FAM240B: variants seen among roughly 807,000 people sequenced by gnomAD.
FAM240B encodes the protein protein FAM240B.
At chr9:38,703,804 A>G in intron 2 of FAM240B, 53 bp downstream of exon 2, 1 of 399,218 alleles carries the variant, frequency 2.5e-6, no homozygotes, top group Non-Finnish European at 4.4e-6. Context: ...CATATCTGGC[A>G]TATCTCTGGA....
chr9:38,706,344 TCCCGGACAC>T (rs1821190187), intron 1 of FAM240B, among the ~76,000 whole-genome samples: 3 of 152,060 alleles, frequency 2.0e-5, no homozygotes, highest in Non-Finnish European at 4.4e-5. Context: ...TTCCCACCGC[TCCCGGACAC>T]TCCCTGGAAA....
At chr9:38,701,492 T>C (rs181607885) in intron 2 of FAM240B, among the ~76,000 whole-genome samples, 68 of 152,322 alleles carry the variant, frequency 4.5e-4, no homozygotes, top group Admixed American at 2.7e-3. Context: ...TAATTCATTG[T>C]TTGCCAAATG....
At chr9:38,717,012 G>C (rs138545676) in intron 1 of FAM240B, among the ~76,000 whole-genome samples, 17 of 152,238 alleles carry the variant, frequency 1.1e-4, no homozygotes, top group African/African-American at 3.8e-4. Context: ...AGGCACCCCA[G>C]AGAGGCAGCC....
intron 2 of FAM240B, among the ~76,000 whole-genome samples, chr9:38,703,489 C>T (rs1821153021): frequency 6.6e-6 from 1 of 152,234 alleles, no homozygotes; most frequent in African/African-American, 2.4e-5. Flanking sequence ...GAATTATACA[C>T]TCTGCACTGC....
chr9:38,705,859 C>G (rs755974008), intron 1 of FAM240B, among the ~76,000 whole-genome samples: 1 of 152,012 alleles, frequency 6.6e-6, no homozygotes, highest in Admixed American at 6.6e-5. Context: ...CCTCCTGGAC[C>G]CATCTTCCAA....
At chr9:38,712,166 GA>G (rs1821263062) in intron 1 of FAM240B, among the ~76,000 whole-genome samples, 1 of 152,098 alleles carries the variant, frequency 6.6e-6, no homozygotes, top group Admixed American at 6.5e-5. Context: ...TTACATAGGA[GA>G]AAAAAGCTTA....
intron 2 of FAM240B, among the ~76,000 whole-genome samples, chr9:38,697,091 G>C (rs1444306638): frequency 6.6e-6 from 1 of 152,114 alleles, no homozygotes; most frequent in African/African-American, 2.4e-5. Context: ...GCTGCTGCCT[G>C]GGTGTTTCAT....
chr9:38,699,450 G>A (rs533604894), intron 2 of FAM240B, among the ~76,000 whole-genome samples: 2 of 152,304 alleles, frequency 1.3e-5, no homozygotes, highest in East Asian at 3.9e-4. Flanking sequence ...AGACTTCAGC[G>A]CTGGTCTGAC....
chr9:38,717,277 G>C (rs1467859165), intron 1 of FAM240B, among the ~76,000 whole-genome samples: 1 of 151,562 alleles, frequency 6.6e-6, no homozygotes, highest in Non-Finnish European at 1.5e-5. Flanking sequence ...GCATAATTTG[G>C]TCAAAGAGTT....
chr9:38,698,057 C>G (rs151134836), intron 2 of FAM240B, among the ~76,000 whole-genome samples: 1 of 152,330 alleles, frequency 6.6e-6, no homozygotes, highest in Non-Finnish European at 1.5e-5. Context: ...TACAGTGGCA[C>G]AGCTGAAGAG....
chr9:38,710,238 G>A (rs1328106985), intron 1 of FAM240B, among the ~76,000 whole-genome samples: 1 of 152,162 alleles, frequency 6.6e-6, no homozygotes, highest in Admixed American at 6.5e-5. Flanking sequence ...AAAGTGCTGG[G>A]ATTACAGGTG....
At chr9:38,702,128 G>T (rs1445971346) in intron 2 of FAM240B, among the ~76,000 whole-genome samples, 1 of 152,184 alleles carries the variant, frequency 6.6e-6, no homozygotes, top group Non-Finnish European at 1.5e-5. Context: ...AGTGGGCCAG[G>T]ACTGGGGGAC....
At chr9:38,713,721 G>A (rs979510866) in intron 1 of FAM240B, among the ~76,000 whole-genome samples, 7 of 152,064 alleles carry the variant, frequency 4.6e-5, no homozygotes, top group Non-Finnish European at 8.8e-5. Context: ...ATTATGATGC[G>A]TCAACTTCTC....
chr9:38,697,301 A>ACTGGGCAT (rs1188617992), intron 2 of FAM240B, among the ~76,000 whole-genome samples: 5 of 152,160 alleles, frequency 3.3e-5, no homozygotes, highest in African/African-American at 1.2e-4. Flanking sequence ...TAAGACAGTG[A>ACTGGGCAT]CTGGGCATGG....
chr9:38,714,285 C>G (rs1208391706), intron 1 of FAM240B, among the ~76,000 whole-genome samples: 2 of 152,136 alleles, frequency 1.3e-5, no homozygotes, highest in Non-Finnish European at 2.9e-5. Context: ...GAGAACACCA[C>G]AGTAATAATT....
At chr9:38,711,138 A>T (rs1303736828) in intron 1 of FAM240B, among the ~76,000 whole-genome samples, 2 of 152,192 alleles carry the variant, frequency 1.3e-5, no homozygotes, top group African/African-American at 2.4e-5. Context: ...TGCGCATCAC[A>T]TCAAGACACA....
intron 1 of FAM240B, among the ~76,000 whole-genome samples, chr9:38,707,626 C>G (rs1365330072): frequency 2.4e-5 from 3 of 124,612 alleles, no homozygotes; most frequent in Non-Finnish European, 5.3e-5. Flanking sequence ...AAAAAAAAAA[C>G]AAAAAAAAAA....
At chr9:38,713,331 A>G (rs1056079200) in intron 1 of FAM240B, among the ~76,000 whole-genome samples, 1 of 152,070 alleles carries the variant, frequency 6.6e-6, no homozygotes, top group African/African-American at 2.4e-5. Flanking sequence ...ACAAAAGATT[A>G]GCTGGGCATG....
At chr9:38,716,115 G>A (rs1821300714) in intron 1 of FAM240B, among the ~76,000 whole-genome samples, 1 of 152,130 alleles carries the variant, frequency 6.6e-6, no homozygotes, top group Non-Finnish European at 1.5e-5. Context: ...CTTGGGCTTT[G>A]ACCCCATAAT....
Sources: gnomAD v4.1 joint callset for allele counts (sites outside exome capture counted in the v4.1 genomes callset) on GRCh38, gnomAD v4.1.1 for gene constraint, MANE v1.5 for transcripts, NCBI Gene and HGNC (gene_info 2026-07-23, HGNC 2026-07-21) for gene names.